The following LRP1B variants were observed in gnomAD, a reference collection of about 807,000 sequenced individuals.
LRP1B encodes low-density lipoprotein receptor-related protein 1B.
Under a neutral mutation model 556.6 loss-of-function variants are expected in LRP1B, and 217 were observed. The ratio of observed to expected loss-of-function variants is 0.39; its 90% CI spans 0.35 to 0.44. The LOEUF (loss-of-function observed/expected upper bound fraction) is 0.44, where lower values mean the gene tolerates loss of function less well. Ranked by LOEUF, LRP1B falls within the 20% of genes least tolerant of loss-of-function variation. The probability of loss-of-function intolerance (pLI) is 1.00; values close to 1 mark genes in which losing one functional copy is unlikely to be tolerated. For synonymous variants in LRP1B, 2,047 were observed against 1,865.8 expected (o/e 1.10, Z -2.50); for missense variants, 5,053 against 5,620.8 (o/e 0.90, Z 3.23).
In LRP1B at chr2:141,155,734, C is replaced by A. The variant is rs185911322; in HGVS notation, c.1013+32687G>T. ...TTAAAATTGTATGCCACCTTGCTGA[C>A]AGAATTTTACTGAAGTCTTCTAATT... is the stretch of plus-strand genomic sequence containing the variant. On this transcript the variant is annotated intron_variant, in intron 7 of 90. Coordinates refer to ENST00000389484, the MANE Select transcript of LRP1B (RefSeq NM_018557.3). Among the ~76,000 whole-genome samples, 7 of 152,148 alleles carry A rather than the reference C, an allele frequency of 4.6e-5. No individual in the cohort carries two copies. The East Asian group carries it at 1.4e-3, about 29-fold the overall frequency.
At chr2:141,648,425 C>T (rs1367662207) in intron 2 of LRP1B, among the ~76,000 whole-genome samples, 1 of 152,204 alleles carries the variant, frequency 6.6e-6, no homozygotes, top group Admixed American at 6.5e-5. Flanking sequence ...AGTATCATCT[C>T]TCCCATGAAT....
At chr2:140,752,334 T>TTC (rs1168484207) in intron 35 of LRP1B, among the ~76,000 whole-genome samples, 2 of 131,500 alleles carry the variant, frequency 1.5e-5, no homozygotes, top group Non-Finnish European at 3.3e-5. Flanking sequence ...TTTTTTTTTT[T>TTC]TTTTTAATAG....
At chr2:141,056,074 T>C (rs1558829828) in intron 9 of LRP1B, among the ~76,000 whole-genome samples, 2 of 151,898 alleles carry the variant, frequency 1.3e-5, no homozygotes, top group East Asian at 3.9e-4. Context: ...GTGATGAATA[T>C]CATGGCAGTG....
intron 22 of LRP1B, among the ~76,000 whole-genome samples, chr2:140,906,660 T>A (rs1467403121): frequency 6.6e-6 from 1 of 152,058 alleles, no homozygotes; most frequent in African/African-American, 2.4e-5. Flanking sequence ...GAAGTCTAGT[T>A]TTTCCATAAT....
intron 1 of LRP1B, among the ~76,000 whole-genome samples, chr2:141,974,266 T>A (rs930997653): frequency 3.3e-5 from 5 of 151,998 alleles, no homozygotes; most frequent in African/African-American, 1.2e-4. Flanking sequence ...TCTGAGACCC[T>A]CTACTAGTCA....
At chr2:141,578,862 A>G (rs888269194) in intron 2 of LRP1B, among the ~76,000 whole-genome samples, 5 of 152,286 alleles carry the variant, frequency 3.3e-5, no homozygotes, top group Admixed American at 1.3e-4. Flanking sequence ...CAGTGTGTCA[A>G]AATGTAATTC....
At chr2:140,273,775 G>A (rs918162719) in intron 85 of LRP1B, among the ~76,000 whole-genome samples, 6 of 152,066 alleles carry the variant, frequency 3.9e-5, no homozygotes, top group African/African-American at 1.4e-4. Context: ...GCATAAACTG[G>A]TTTCACGATA....
At chr2:141,573,817 A>C (rs1292209731) in intron 2 of LRP1B, among the ~76,000 whole-genome samples, 1 of 152,086 alleles carries the variant, frequency 6.6e-6, no homozygotes, top group Admixed American at 6.6e-5. Flanking sequence ...TACTATAAAC[A>C]CCTCTATGCA....
chr2:140,858,561 G>A (rs1482922697), intron 27 of LRP1B, among the ~76,000 whole-genome samples: 1 of 150,456 alleles, frequency 6.6e-6, no homozygotes, highest in Non-Finnish European at 1.5e-5. Context: ...TAATTTATAT[G>A]ACAAGTAGTT....
chr2:140,601,719 AT>A (rs1211844977), intron 41 of LRP1B, 80 bp from the exon 42 acceptor site: 7 of 829,542 alleles, frequency 8.4e-6, no homozygotes, highest in Admixed American at 2.9e-5. Context: ...CATTTAAGAC[AT>A]ACATGTATAC....
chr2:141,991,250 T>C (rs1189442877), intron 1 of LRP1B, among the ~76,000 whole-genome samples: 2 of 152,044 alleles, frequency 1.3e-5, no homozygotes, highest in African/African-American at 4.8e-5. Context: ...CAACCATCAT[T>C]CTTTTGATGC....
intron 2 of LRP1B, among the ~76,000 whole-genome samples, chr2:141,566,499 T>C (rs1686336032): frequency 6.6e-6 from 1 of 152,236 alleles, no homozygotes; most frequent in South Asian, 2.1e-4. Flanking sequence ...CTTCTATCAG[T>C]GTAACTGGCA....
chr2:140,957,788 G>A (rs979815025), intron 18 of LRP1B, among the ~76,000 whole-genome samples: 1 of 151,426 alleles, frequency 6.6e-6, no homozygotes, highest in African/African-American at 2.4e-5. Context: ...GGACAGGAGA[G>A]AATTCTCTAG....
rs1687225665 is a variant in LRP1B, at chr2:140,716,757, C to G, written c.5818G>C (p.Asp1940His). Reference sequence around the variant, plus strand: ...ATGATATCTTCTTTCCAAGTCTGATCTCTTTTAGCTCTGCTAATTTTATTG... The same window carrying G: ...ATGATATCTTCTTTCCAAGTCTGATGTCTTTTAGCTCTGCTAATTTTATTG... ...GFNKISRAKR[D>H]QTWKEDIITN... Residue 1940 changes from aspartate to histidine, a missense_variant, in exon 36 of 91, where the codon GAT (aspartate) becomes CAT (histidine). Asp to His is a moderately conservative substitution (Grantham distance 81, BLOSUM62 -1). This residue lies in a region of LRP1B where 3,619 missense variants were observed against 3,931.9 expected (regional missense o/e 0.92). Coordinates refer to ENST00000389484, the MANE Select transcript of LRP1B (RefSeq NM_018557.3). 2.5e-6 allele frequency: 4 copies of G among 1,609,678 alleles called. No individual in the cohort carries two copies. In the Admixed American group the frequency reaches 5.0e-5, roughly 20 times the overall value.
intron 84 of LRP1B, among the ~76,000 whole-genome samples, chr2:140,297,166 T>C (rs1683641558): frequency 1.3e-5 from 2 of 152,090 alleles, no homozygotes; most frequent in Admixed American, 6.6e-5. Flanking sequence ...TACATGGGCA[T>C]AGGAGAAAGA....
intron 1 of LRP1B, among the ~76,000 whole-genome samples, chr2:141,929,592 C>T (rs1179154179): frequency 5.9e-5 from 9 of 151,894 alleles, no homozygotes; most frequent in South Asian, 2.1e-4. Context: ...TCGTTCATCA[C>T]GGTCTGTTGT....
intron 1 of LRP1B, among the ~76,000 whole-genome samples, chr2:141,961,766 T>C (rs1701409936): frequency 1.3e-5 from 2 of 151,848 alleles, no homozygotes; most frequent in African/African-American, 2.4e-5. Context: ...AATGTATATT[T>C]GCCTTTAAAA....
At chr2:141,761,272 G>A (rs1694535835) in intron 2 of LRP1B, among the ~76,000 whole-genome samples, 1 of 151,752 alleles carries the variant, frequency 6.6e-6, no homozygotes, top group Non-Finnish European at 1.5e-5. Context: ...GGAAGAAATT[G>A]CAGTACATTG....
chr2:141,499,909 T>A (rs938185065), intron 2 of LRP1B, among the ~76,000 whole-genome samples: 4 of 151,978 alleles, frequency 2.6e-5, no homozygotes, highest in African/African-American at 9.7e-5. Flanking sequence ...TTAGAACACA[T>A]TTAGAGTTGA....
Sources: gnomAD v4.1 joint callset for allele counts (sites outside exome capture counted in the v4.1 genomes callset) on GRCh38, gnomAD v4.1.1 for gene constraint, gnomAD v4.1.1 regional missense constraint, MANE v1.5 for transcripts, NCBI Gene and HGNC (gene_info 2026-07-23, HGNC 2026-07-21) for gene names.